SHISA6: variants seen among roughly 807,000 people sequenced by gnomAD.
SHISA6 encodes shisa family member 6.
SHISA6 carries 22 observed loss-of-function variants against 47.9 expected under a neutral mutation model. The ratio of observed to expected loss-of-function variants is 0.46; its 90% confidence interval spans 0.33 to 0.66. The LOEUF (loss-of-function observed/expected upper bound fraction) is 0.66. Ranked by LOEUF, SHISA6 falls within the 30% of genes least tolerant of loss-of-function variation. The pLI, the probability that SHISA6 is intolerant of heterozygous loss-of-function variation, is 0.02. For missense variants in SHISA6, 680 were observed against 764.6 expected (o/e 0.89, Z 1.30); for synonymous variants, 388 against 337.8 (o/e 1.15, Z -1.63).
At chr17:11,249,033 G>T (rs1406240220) in intron 1 of SHISA6, among the ~76,000 whole-genome samples, 1 of 151,744 alleles carries the variant, frequency 6.6e-6, no homozygotes, top group Non-Finnish European at 1.5e-5. Context: ...AGCTACTTGG[G>T]AGACTGAGGC....
At chr17:11,338,551 G>A (rs962767446) in intron 2 of SHISA6, among the ~76,000 whole-genome samples, 13 of 151,792 alleles carry the variant, frequency 8.6e-5, no homozygotes, top group Admixed American at 2.0e-4. Flanking sequence ...ACAGGCATGC[G>A]CCACCACACC....
At chr17:11,451,453 T>G (rs1915400742) in intron 3 of SHISA6, among the ~76,000 whole-genome samples, 1 of 152,118 alleles carries the variant, frequency 6.6e-6, no homozygotes, top group South Asian at 2.1e-4. Context: ...GGGGTTACAT[T>G]TAGTTGGGGG....
At chr17:11,424,831 G>A (rs1009097186) in intron 3 of SHISA6, among the ~76,000 whole-genome samples, 3 of 151,798 alleles carry the variant, frequency 2.0e-5, no homozygotes, top group Non-Finnish European at 2.9e-5. Flanking sequence ...GTGAAACCCC[G>A]TCTCTACTAA....
At chr17:11,319,024 G>GT (rs1358537664) in intron 2 of SHISA6, among the ~76,000 whole-genome samples, 1 of 147,734 alleles carries the variant, frequency 6.8e-6, no homozygotes, top group Non-Finnish European at 1.5e-5. Flanking sequence ...CTCTTCATTG[G>GT]TTTTTGTTTT....
In SHISA6 at chr17:11,502,340, C is replaced by T. The variant is rs1197142643; in HGVS notation, c.896-49556C>T. Reference sequence around the variant, plus strand: ...AGGAGAATGGCGTGAACCCGGGAGGCGGAGCTTGCAGTGAGCTGAGATCGC... The same window carrying T: ...AGGAGAATGGCGTGAACCCGGGAGGTGGAGCTTGCAGTGAGCTGAGATCGC... On this transcript the variant is annotated intron_variant, in intron 3 of 5. Transcript: ENST00000441885. Among the ~76,000 whole-genome samples, 5 of 129,506 alleles carry T rather than the reference C, an allele frequency of 3.9e-5. No individual in the cohort carries two copies. In the East Asian group the frequency reaches 7.7e-4, roughly 20 times the overall value. 85.0% of individuals were successfully genotyped at this position (129,506 alleles called of 152,430 possible). A position where few individuals can be genotyped will look rare whatever the true frequency, so the allele number is the denominator to read the frequency against.
Position 11,418,776 on chromosome 17 carries a change from T to C in SHISA6, c.895+39267T>C, listed in dbSNP as rs904248910. ...CCCTGCCACCCCACCTGCCTACTGC[T>C]GTCATCACATTGTTGTATTTATAAT... is the stretch of plus-strand genomic sequence containing the variant. On this transcript the variant is annotated intron_variant, in intron 3 of 5. Coordinates refer to ENST00000441885, the MANE Select transcript of SHISA6 (RefSeq NM_207386.4). Among the ~76,000 whole-genome samples, 136 of 152,346 alleles carry C rather than the reference T, an allele frequency of 8.9e-4. 1 individual carries two copies. Among genetic ancestry groups the C allele is most frequent in the African/African-American group, 3.2e-3 (131 of 41,584 alleles).
At chr17:11,292,225 C>G (rs2142170067) in intron 2 of SHISA6, among the ~76,000 whole-genome samples, 2 of 152,210 alleles carry the variant, frequency 1.3e-5, no homozygotes, top group East Asian at 3.9e-4. Flanking sequence ...TAGTCACATT[C>G]TTAGGTTCTG....
At chr17:11,266,460 A>G (rs1908427551) in intron 2 of SHISA6, among the ~76,000 whole-genome samples, 1 of 152,228 alleles carries the variant, frequency 6.6e-6, no homozygotes, top group Non-Finnish European at 1.5e-5. Flanking sequence ...GCACTGGGAA[A>G]GCTTGAGCAT....
intron 5 of SHISA6, among the ~76,000 whole-genome samples, chr17:11,556,529 T>C (rs2071981994): frequency 6.6e-6 from 1 of 152,100 alleles, no homozygotes; most frequent in South Asian, 2.1e-4. Flanking sequence ...TTGGACCTTC[T>C]CCTCCCATTT....
intron 3 of SHISA6, among the ~76,000 whole-genome samples, chr17:11,399,317 C>T (rs1250506171): frequency 6.6e-6 from 1 of 152,154 alleles, no homozygotes; most frequent in Non-Finnish European, 1.5e-5. Context: ...AAACCCTAAC[C>T]AGTAATTGAC....
intron 2 of SHISA6, among the ~76,000 whole-genome samples, chr17:11,351,322 A>C (rs140838056): frequency 6.7e-4 from 102 of 152,320 alleles, no homozygotes; most frequent in African/African-American, 2.4e-3. Flanking sequence ...TAAACAAAAA[A>C]TACTATCCCG....
chr17:11,362,838 A>T (rs1325713180), intron 2 of SHISA6, among the ~76,000 whole-genome samples: 1 of 152,206 alleles, frequency 6.6e-6, no homozygotes, highest in African/African-American at 2.4e-5. Flanking sequence ...GAGATTTATC[A>T]CACGTCTTCT....
chr17:11,283,615 G>A (rs1322789303), intron 2 of SHISA6, among the ~76,000 whole-genome samples: 1 of 152,184 alleles, frequency 6.6e-6, no homozygotes. Context: ...ACTGCACAAA[G>A]CTTATATATA....
chr17:11,395,492 A>G (rs915400915), intron 3 of SHISA6, among the ~76,000 whole-genome samples: 9 of 149,436 alleles, frequency 6.0e-5, no homozygotes, highest in Admixed American at 6.7e-5. Context: ...ATCATATTAT[A>G]TGCAAATACA....
chr17:11,277,149 C>T (rs1329141360), intron 2 of SHISA6, among the ~76,000 whole-genome samples: 1 of 151,906 alleles, frequency 6.6e-6, no homozygotes, highest in Admixed American at 6.6e-5. Flanking sequence ...ATGAGCTGAG[C>T]TGGGGTGTTC....
At chr17:11,535,518 A>C (rs569953424) in intron 3 of SHISA6, among the ~76,000 whole-genome samples, 27 of 152,194 alleles carry the variant, frequency 1.8e-4, no homozygotes, top group Admixed American at 5.2e-4. Flanking sequence ...TTTTAGGGTG[A>C]GTGTAAGAAC....
intron 3 of SHISA6, among the ~76,000 whole-genome samples, chr17:11,393,405 G>C (rs369915630): frequency 6.6e-6 from 1 of 152,194 alleles, no homozygotes; most frequent in South Asian, 2.1e-4. Flanking sequence ...GAGTTGCAAA[G>C]GTCTCCTCCA....
intron 3 of SHISA6, among the ~76,000 whole-genome samples, chr17:11,474,055 A>G (rs924527928): frequency 3.3e-5 from 5 of 152,070 alleles, no homozygotes; most frequent in African/African-American, 1.2e-4. Flanking sequence ...GATGGCTTCC[A>G]GCTTCATCCA....
chr17:11,498,605 T>C (rs754859935), intron 3 of SHISA6, among the ~76,000 whole-genome samples: 22 of 152,188 alleles, frequency 1.4e-4, no homozygotes, highest in South Asian at 4.1e-4. Flanking sequence ...ATTATGTCCA[T>C]GTATCCAAAT....
Sources: allele counts gnomAD v4.1 joint callset (sites outside exome capture counted in the v4.1 genomes callset), GRCh38; gene constraint gnomAD v4.1.1; transcripts MANE v1.5; gene names NCBI Gene and HGNC (gene_info 2026-07-23, HGNC 2026-07-21).